Variants in MSR1 observed in about 807,000 individuals in gnomAD.
The protein encoded by MSR1 is macrophage scavenger receptor types I and II.
Under a neutral mutation model 47.2 loss-of-function variants are expected in MSR1, and 53 were observed. The ratio of observed to expected loss-of-function variants is 1.12; its 90% CI spans 0.90 to 1.41. MSR1 has a LOEUF of 1.41. MSR1 is among the 40% of genes most tolerant of loss of function. The probability of loss-of-function intolerance (pLI) is 0.00; values close to 1 mark genes in which losing one functional copy is unlikely to be tolerated. For missense variants in MSR1, 786 were observed against 546.9 expected (o/e 1.44, Z -4.36); for synonymous variants, 239 against 185.6 (o/e 1.29, Z -2.34).
intron 8 of MSR1, chr8:16,139,652 T>C (rs1800477124): frequency 1.0e-6 from 1 of 973,562 alleles, no homozygotes; most frequent in Non-Finnish European, 1.2e-6. Flanking sequence ...GATCAAAATA[T>C]TTTTGTTTGA....
intron 8 of MSR1, among the ~76,000 whole-genome samples, chr8:16,137,128 T>C (rs575387585): frequency 6.6e-6 from 1 of 151,932 alleles, no homozygotes; most frequent in African/African-American, 2.4e-5. Context: ...GTTAGCAAAA[T>C]AAAGATAGAA....
chr8:16,170,150 C>A (rs1368804830), intron 3 of MSR1, among the ~76,000 whole-genome samples: 3 of 152,108 alleles, frequency 2.0e-5, no homozygotes, highest in Admixed American at 2.0e-4. Flanking sequence ...GAGATCAAGA[C>A]CATCCTGGCC....
At chr8:16,186,037 A>G in intron 1 of MSR1, 1 of 837,612 alleles carries the variant, frequency 1.2e-6, no homozygotes, top group Middle Eastern at 2.9e-4. Context: ...AACCTGCCAC[A>G]TAGAATTTAA....
chr8:16,123,297 T>A (rs796984976), intron 8 of MSR1, among the ~76,000 whole-genome samples: 10 of 152,278 alleles, frequency 6.6e-5, no homozygotes, highest in African/African-American at 2.4e-4. Context: ...GAAAGGCGTC[T>A]CAATAGGTCA....
chr8:16,124,750 C>A (rs1220456016), intron 8 of MSR1, among the ~76,000 whole-genome samples: 1 of 152,086 alleles, frequency 6.6e-6, no homozygotes, highest in Non-Finnish European at 1.5e-5. Flanking sequence ...CCGTTATAGT[C>A]ATCTTTTCAG....
chr8:16,165,771 G>T (rs901125737), intron 4 of MSR1, among the ~76,000 whole-genome samples: 7 of 152,068 alleles, frequency 4.6e-5, no homozygotes, highest in African/African-American at 1.7e-4. Flanking sequence ...AAATGAATGT[G>T]CGTCTAGATT....
chr8:16,178,211 TC>T (rs1801716351), intron 1 of MSR1, among the ~76,000 whole-genome samples: 1 of 151,994 alleles, frequency 6.6e-6, no homozygotes, highest in Admixed American at 6.6e-5. Flanking sequence ...CACAAACTCG[TC>T]ATCTAACACT....
intron 8 of MSR1, chr8:16,140,854 G>A (rs1453563394): frequency 3.2e-6 from 5 of 1,581,536 alleles, no homozygotes; most frequent in Non-Finnish European, 4.3e-6. Flanking sequence ...AGAAGGCCAT[G>A]TGGAAGTCAG....
At position 16,161,949 on chromosome 8, in the gene MSR1, G is replaced by A. The variant is rs113867156; in HGVS notation, c.817+2116C>T. On this transcript the variant is annotated intron_variant, in intron 5 of 9. Coordinates refer to ENST00000262101, the MANE Select transcript of MSR1 (RefSeq NM_138715.3). ...TCATGAAATAGAGCTTAACAGACAT[G>A]GAAGCTGGAATGAGAACATCCAATA... 1.7e-3 allele frequency among the ~76,000 whole-genome samples: 258 copies of A among 152,006 alleles called. 2 individuals are homozygous for A. Among genetic ancestry groups the A allele is most frequent in the African/African-American group, 5.9e-3 (245 of 41,512 alleles).
intron 3 of MSR1, among the ~76,000 whole-genome samples, chr8:16,173,711 C>T (rs1455842797): frequency 6.6e-5 from 10 of 152,022 alleles, no homozygotes; most frequent in African/African-American, 1.9e-4. Flanking sequence ...CACAGTGGCG[C>T]GATCTCGGCT....
intron 1 of MSR1, among the ~76,000 whole-genome samples, chr8:16,184,507 A>G (rs748742118): frequency 1.3e-5 from 2 of 152,170 alleles, no homozygotes; most frequent in Non-Finnish European, 2.9e-5. Context: ...AGGAGGTTCA[A>G]AAAGAAGAGG....
At chr8:16,139,596 C>A (rs560734017) in intron 8 of MSR1, 2 of 972,956 alleles carry the variant, frequency 2.1e-6, no homozygotes, top group East Asian at 1.1e-4. Context: ...ACATGTAATC[C>A]CATAAGAGAT....
chr8:16,178,495 A>C (rs375732772), intron 1 of MSR1, among the ~76,000 whole-genome samples: 2 of 152,064 alleles, frequency 1.3e-5, no homozygotes, highest in South Asian at 4.2e-4. Flanking sequence ...TTCTTAATCC[A>C]GGCTATCGTT....
chr8:16,187,914 T>C (rs1469168308), intron 1 of MSR1, among the ~76,000 whole-genome samples: 2 of 152,184 alleles, frequency 1.3e-5, no homozygotes, highest in Non-Finnish European at 2.9e-5. Context: ...ACTCTGGTTA[T>C]AATCATTGTA....
chr8:16,188,632 G>C lies in MSR1; in HGVS notation c.-5+3966C>G, dbSNP rs1251251639. Among the ~76,000 whole-genome samples, 4 of 151,990 alleles carry C rather than the reference G, an allele frequency of 2.6e-5. No homozygotes were observed. The East Asian group carries it at 5.8e-4, about 22-fold the overall frequency. On this transcript the variant is annotated intron_variant, in intron 1 of 9. Coordinates refer to ENST00000262101, the MANE Select transcript of MSR1 (RefSeq NM_138715.3). ...TAGGTTTTAAGTCCCACATGCATTAGGAGTTTGTCCTAATGCTATGCCTCC... is the reference window on the plus strand; with the variant it reads ...TAGGTTTTAAGTCCCACATGCATTACGAGTTTGTCCTAATGCTATGCCTCC...
At chr8:16,122,812 C>T (rs1387016553) in intron 8 of MSR1, among the ~76,000 whole-genome samples, 1 of 150,554 alleles carries the variant, frequency 6.6e-6, no homozygotes, top group Non-Finnish European at 1.5e-5. Flanking sequence ...TCAAGGGATC[C>T]TGAGGGGGAG....
rs1799707925 is a variant in MSR1 at position 16,109,452 on chromosome 8, C to A, written c.*633G>T. On this transcript the variant is annotated 3_prime_UTR_variant, in exon 10 of 10. Transcript: ENST00000262101. ...TCAGTTTTCTCATATGTCCTGCTTTCAATTTACTTCATGATTCAATTAAAC... is the reference window on the plus strand; with the variant it reads ...TCAGTTTTCTCATATGTCCTGCTTTAAATTTACTTCATGATTCAATTAAAC... 6.6e-6 allele frequency: 1 copy of A among 152,452 alleles called. No individual in the cohort carries two copies. The highest frequency in any genetic ancestry group is 2.4e-5 in the African/African-American group (1 of 41,408). The allele number at this position is 152,452 out of a possible 1,614,324, so 9.4% of individuals were successfully genotyped here.
chr8:16,137,066 A>T (rs1800407643), intron 8 of MSR1, among the ~76,000 whole-genome samples: 1 of 152,188 alleles, frequency 6.6e-6, no homozygotes, highest in South Asian at 2.1e-4. Context: ...CAATAAAAAA[A>T]GAGAGACATT....
chr8:16,114,874 G>C (rs1799840240), intron 9 of MSR1, among the ~76,000 whole-genome samples: 1 of 152,226 alleles, frequency 6.6e-6, no homozygotes, highest in South Asian at 2.1e-4. Context: ...TATAAAAAGA[G>C]GGTTCATTTA....
Sources: allele counts gnomAD v4.1 joint callset (sites outside exome capture counted in the v4.1 genomes callset), GRCh38; gene constraint gnomAD v4.1.1; transcripts MANE v1.5; gene names NCBI Gene and HGNC (gene_info 2026-07-23, HGNC 2026-07-21).